The following MPP2 variants were observed in gnomAD, a reference collection of about 807,000 sequenced individuals.
MPP2 encodes the protein MAGUK p55 subfamily member 2.
A neutral mutation model predicts 58.5 loss-of-function variants in MPP2; 42 were observed. The ratio of observed to expected loss-of-function variants is 0.72; its 90% confidence interval spans 0.56 to 0.93. MPP2 has a LOEUF of 0.93. Ranked by LOEUF, MPP2 falls within the 40% of genes least tolerant of loss-of-function variation. The pLI is 0.00. For synonymous variants in MPP2, 300 were observed against 307.8 expected (o/e 0.97, Z 0.26); for missense variants, 632 against 760.4 (o/e 0.83, Z 1.99).
At chr17:43,908,595 G>T (rs924531037), upstream of MPP2, among the ~76,000 whole-genome samples, 1 of 152,162 alleles carries the variant, frequency 6.6e-6, no homozygotes, top group African/African-American at 2.4e-5. Flanking sequence ...AACAAAATTA[G>T]CTGGGCGTGG....
upstream of MPP2, chr17:43,909,624 G>T: frequency 6.8e-7 from 1 of 1,467,144 alleles, no homozygotes; most frequent in Non-Finnish European, 9.0e-7. Flanking sequence ...GCCCACCTGG[G>T]GAGGTGGAGC....
At position 43,879,247 on chromosome 17, in the gene MPP2, C is replaced by T. The variant is rs371940332; in HGVS notation, c.1482+28G>A. On this transcript the variant is annotated intron_variant, in intron 12 of 12. Transcript: ENST00000269095. The surrounding 1 kb of genome is among the most constrained non-coding windows in gnomAD (Gnocchi z 4.1). The stretch of plus-strand genomic sequence containing the variant: ...CCCACCACCCTAGGCAGCTATCAGA[C>T]CCCTCCCCCACACCTCAGAGCCCTC... The T allele has an allele frequency of 8.2e-6, 13 of 1,594,884 alleles. No homozygotes were observed. Among genetic ancestry groups the T allele is most frequent in the Non-Finnish European group, 1.1e-5 (13 of 1,165,914 alleles).
chr17:43,889,448 C>A (rs1295075589), intron 3 of MPP2, among the ~76,000 whole-genome samples: 1 of 150,790 alleles, frequency 6.6e-6, no homozygotes, highest in Non-Finnish European at 1.5e-5. Context: ...CTGCAACCTA[C>A]ACCTCCCGGG....
At chr17:43,898,222 A>G in intron 3 of MPP2, 40 bp downstream of exon 3, 1 of 1,492,642 alleles carries the variant, frequency 6.7e-7, no homozygotes, top group Non-Finnish European at 9.4e-7. Context: ...TGCCTCCCCA[A>G]GCACAGTGCC....
At position 43,879,340 on chromosome 17, in the gene MPP2, A is replaced by T. The variant is rs1424370737; in HGVS notation, c.1417T>A (p.Phe473Ile). The change falls in exon 12 of 13, where the codon TTC becomes ATC. Residue 473 changes from phenylalanine to isoleucine, a missense_variant. Coordinates refer to ENST00000269095, the MANE Select transcript of MPP2 (RefSeq NM_005374.5). The surrounding 1 kb of genome is among the most constrained non-coding windows in gnomAD (Gnocchi z 4.1). ...PYVVFIEAPDFETLRAMNRAA... is the reference protein window; with the variant it reads ...PYVVFIEAPDIETLRAMNRAA... ...CTGTTCATGGCCCGCAGGGTCTCGA[A>T]GTCTGGGGCCTCGATGAACACCACG... The T allele has an allele frequency of 1.2e-6, 2 of 1,614,106 alleles. No homozygotes were observed. The highest frequency in any genetic ancestry group is 3.3e-5 in the Admixed American group (2 of 60,024).
chr17:43,888,899 C>T (rs528558013), intron 3 of MPP2, among the ~76,000 whole-genome samples: 52 of 152,192 alleles, frequency 3.4e-4, no homozygotes, highest in African/African-American at 1.1e-3. Context: ...CATTCAAATA[C>T]AAAACCAACA....
At chr17:43,905,825 G>T (rs535477051) in intron 1 of MPP2, among the ~76,000 whole-genome samples, 11 of 152,226 alleles carry the variant, frequency 7.2e-5, no homozygotes, top group African/African-American at 2.2e-4. Flanking sequence ...TCTCAGGCCT[G>T]AGCTGGTCAC....
intron 8 of MPP2, 25 bp downstream of exon 8, chr17:43,881,219 G>A (rs370767185): frequency 2.7e-5 from 43 of 1,613,300 alleles, no homozygotes; most frequent in African/African-American, 1.9e-4. Context: ...CAGATTGGAG[G>A]TGTGGGGTAG....
intron 3 of MPP2, 43 bp downstream of exon 3, chr17:43,898,219 C>G (rs145907369): frequency 5.8e-4 from 853 of 1,480,656 alleles, no homozygotes; most frequent in South Asian, 8.7e-4. Context: ...CTGTGCCTCC[C>G]CAAGCACAGT....
At position 43,904,455 on chromosome 17, in the gene MPP2, C is replaced by T. The variant is rs371309883; in HGVS notation, c.6G>A (p.Pro2=). Residue 2 remains proline (P), a synonymous_variant, in exon 2 of 13, where the codon CCG becomes CCA. Coordinates refer to ENST00000269095, the MANE Select transcript of MPP2 (RefSeq NM_005374.5). ...CAGTTTCAGAGTTGGTGGCGGCAAC[C>T]GGCATGGTGAAGGAGGCAAGGGCTC... The part of the protein sequence containing the change: M[P]VAATNSETAM... 2.2e-5 allele frequency: 36 copies of T among 1,613,790 alleles called. No homozygotes were observed. The highest frequency in any genetic ancestry group is 3.3e-5 in the Admixed American group (2 of 59,992).
intron 3 of MPP2, among the ~76,000 whole-genome samples, chr17:43,889,401 C>T (rs141125418): frequency 0.01 from 1,429 of 139,564 alleles, 24 homozygotes; most frequent in African/African-American, 0.036. Flanking sequence ...CTCGCTCTAT[C>T]GCCCAGCCTG....
At position 43,875,825 on chromosome 17, in the gene MPP2, G is replaced by C. The variant is rs192651655; in HGVS notation, c.*1982C>G. The C allele has an allele frequency of 1.5e-4, 23 of 152,328 alleles. 1 individual carries two copies. In the East Asian group the frequency reaches 2.1e-3, roughly 14 times the overall value. The allele number at this position is 152,328 out of a possible 1,614,324, so 9.4% of individuals were successfully genotyped here. Reference sequence around the variant, plus strand: ...CTCCATCAGAGATGATGGTCATTTGGATCAAGGGGGCAGAAGCAGCTGCAA... The same window carrying C: ...CTCCATCAGAGATGATGGTCATTTGCATCAAGGGGGCAGAAGCAGCTGCAA... On this transcript the variant is annotated 3_prime_UTR_variant, in exon 13 of 13. Transcript: ENST00000269095.
upstream of MPP2, among the ~76,000 whole-genome samples, chr17:43,908,793 G>A (rs2048373973): frequency 6.6e-6 from 1 of 152,190 alleles, no homozygotes; most frequent in Non-Finnish European, 1.5e-5. Context: ...CCGAAAGCAG[G>A]GGACTGGTCC....
intron 2 of MPP2, 43 bp from the exon 3 acceptor site, chr17:43,898,423 G>T: frequency 6.9e-7 from 1 of 1,441,664 alleles, no homozygotes; most frequent in Non-Finnish European, 9.8e-7. Flanking sequence ...GTACCAGCTG[G>T]GTACAGAAGA....
Position 43,879,224 on chromosome 17 carries a change from C to T in MPP2, c.1482+51G>A. The T allele has an allele frequency of 1.9e-6, 3 of 1,575,534 alleles. No individual in the cohort carries two copies. The highest frequency in any genetic ancestry group is 2.6e-6 in the Non-Finnish European group (3 of 1,155,432). ...TCTCTGTCAGCTCAGGCCTGTCCCC[C>T]ACCACCCTAGGCAGCTATCAGACCC... On this transcript the variant is annotated intron_variant, in intron 12 of 12. Coordinates refer to ENST00000269095, the MANE Select transcript of MPP2 (RefSeq NM_005374.5). The surrounding 1 kb of genome is among the most constrained non-coding windows in gnomAD (Gnocchi z 4.1).
At chr17:43,909,628 G>T, upstream of MPP2, 1 of 1,463,992 alleles carries the variant, frequency 6.8e-7, no homozygotes. Flanking sequence ...ACCTGGGGAG[G>T]TGGAGCCCAA....
chr17:43,881,004 C>T, intron 9 of MPP2, 86 bp downstream of exon 9: 1 of 1,545,826 alleles, frequency 6.5e-7, no homozygotes, highest in African/African-American at 1.4e-5. Flanking sequence ...CTGAGCCAGG[C>T]ACACGTCGTC....
upstream of MPP2, among the ~76,000 whole-genome samples, chr17:43,909,212 A>G (rs2048380106): frequency 1.3e-5 from 2 of 151,996 alleles, no homozygotes; most frequent in Non-Finnish European, 2.9e-5. Flanking sequence ...GATTACAGGT[A>G]TGCGCCACCA....
At chr17:43,897,387 A>G (rs1379750283) in intron 3 of MPP2, among the ~76,000 whole-genome samples, 1 of 152,238 alleles carries the variant, frequency 6.6e-6, no homozygotes, top group Non-Finnish European at 1.5e-5. Flanking sequence ...AGACTGAGGC[A>G]GAAGAATCAC....
Sources: allele counts gnomAD v4.1 joint callset (sites outside exome capture counted in the v4.1 genomes callset), GRCh38; gene constraint gnomAD v4.1.1; non-coding constraint Gnocchi (gnomAD v3.1); transcripts MANE v1.5; gene names NCBI Gene and HGNC (gene_info 2026-07-23, HGNC 2026-07-21).